The following RGS6 variants were observed in gnomAD, a reference collection of about 807,000 sequenced individuals.
RGS6 encodes regulator of G-protein signaling 6.
Under a neutral mutation model 78.5 loss-of-function variants are expected in RGS6, and 30 were observed. The observed-to-expected ratio is 0.38, with a 90% CI of 0.29 to 0.52. The LOEUF (loss-of-function observed/expected upper bound fraction) is 0.52. Among genes scored for constraint, RGS6 ranks in the 20% least tolerant of loss-of-function variants. The pLI is 0.85. For missense variants in RGS6, 495 were observed against 609.7 expected (o/e 0.81, Z 1.98); for synonymous variants, 206 against 206.0 (o/e 1.00, Z 0.00).
chr14:72,353,306 C>G (rs151184357), intron 3 of RGS6, among the ~76,000 whole-genome samples: 123 of 152,298 alleles, frequency 8.1e-4, no homozygotes, highest in Non-Finnish European at 1.5e-3. Flanking sequence ...TTCATCATCT[C>G]CAAAGACTGG....
At chr14:72,295,753 G>A (rs1399842764) in intron 2 of RGS6, among the ~76,000 whole-genome samples, 1 of 152,176 alleles carries the variant, frequency 6.6e-6, no homozygotes. Context: ...AGTGGGAAGA[G>A]AGTAAATAAA....
chr14:72,244,883 G>A (rs2053828508), intron 2 of RGS6, among the ~76,000 whole-genome samples: 2 of 151,398 alleles, frequency 1.3e-5, no homozygotes, highest in African/African-American at 4.9e-5. Context: ...GGAGTGCAAT[G>A]GCACGATCTC....
chr14:72,323,800 CAAAAAAAAAAAAAAAAAAAAAAAA>C (rs58303649), intron 2 of RGS6, among the ~76,000 whole-genome samples: 299 of 16,820 alleles, frequency 0.018, 4 homozygotes, highest in Middle Eastern at 0.083. Flanking sequence ...GACTCCATCT[CAAAAAAAAAAAAAAAAAAAAAAAA>C]AAAAAAAAAA....
downstream of RGS6, among the ~76,000 whole-genome samples, chr14:72,570,199 A>G (rs1400801829): frequency 1.3e-5 from 2 of 152,284 alleles, no homozygotes; most frequent in African/African-American, 2.4e-5. Flanking sequence ...CACAGCATTT[A>G]CATTGTATTA....
At chr14:72,319,052 C>T (rs1223016694) in intron 2 of RGS6, among the ~76,000 whole-genome samples, 2 of 152,084 alleles carry the variant, frequency 1.3e-5, no homozygotes, top group Non-Finnish European at 2.9e-5. Flanking sequence ...TTTCCACATT[C>T]AGAGGAAAGT....
downstream of RGS6, among the ~76,000 whole-genome samples, chr14:72,567,454 T>A (rs912394298): frequency 6.6e-6 from 1 of 152,214 alleles, no homozygotes; most frequent in Non-Finnish European, 1.5e-5. Context: ...GTGCATGCAC[T>A]CTACCCTGAC....
intron 3 of RGS6, among the ~76,000 whole-genome samples, chr14:72,353,210 A>T (rs1269128580): frequency 2.0e-5 from 3 of 152,238 alleles, no homozygotes; most frequent in African/African-American, 7.2e-5. Context: ...CCCAAGAGCA[A>T]TGAAAACTTG....
At position 72,510,289 on chromosome 14, in the gene RGS6, T is replaced by C; in HGVS notation, c.1091+10T>C. 1 of 1,614,126 alleles carries C rather than the reference T, an allele frequency of 6.2e-7. No homozygotes were observed. Among genetic ancestry groups the C allele is most frequent in the Non-Finnish European group, 8.5e-7 (1 of 1,180,022 alleles). On this transcript the variant is annotated intron_variant, in intron 14 of 17. Coordinates refer to ENST00000553525, the MANE Select transcript of RGS6 (RefSeq NM_001204424.2). ...GTTCAGAAAACCTCAGGTAAATCTC[T>C]CAAAGTTTGAGCTGTGTGCGGAATG...
At chr14:72,296,410 T>A (rs2152370866) in intron 2 of RGS6, among the ~76,000 whole-genome samples, 3 of 152,302 alleles carry the variant, frequency 2.0e-5, no homozygotes, top group Middle Eastern at 6.8e-3. Flanking sequence ...AGAAAAAAAC[T>A]ATCAGAGTTT....
chr14:72,078,195 A>G (rs993883606), intron 2 of RGS6, among the ~76,000 whole-genome samples: 2 of 152,194 alleles, frequency 1.3e-5, no homozygotes, highest in South Asian at 4.2e-4. Flanking sequence ...TGGTTGTTAA[A>G]AAGTGTGTGG....
chr14:71,941,707 C>T (rs987795111), intron 1 of RGS6, among the ~76,000 whole-genome samples: 5 of 152,162 alleles, frequency 3.3e-5, no homozygotes, highest in African/African-American at 7.2e-5. Context: ...GCTTTATATT[C>T]GCTGGAAGCT....
At chr14:72,616,413 T>C in the RGS6 span, among the ~76,000 whole-genome samples, 1 of 152,170 alleles carries the variant, frequency 6.6e-6, no homozygotes, top group African/African-American at 2.4e-5. Context: ...ATGCAAGTCA[T>C]GATTTCCTTG....
At chr14:72,087,795 T>G (rs2095109732) in intron 2 of RGS6, among the ~76,000 whole-genome samples, 1 of 152,118 alleles carries the variant, frequency 6.6e-6, no homozygotes. Context: ...GACCCACAAA[T>G]GGGCCAGTGA....
intron 2 of RGS6, among the ~76,000 whole-genome samples, chr14:72,349,896 T>G (rs2152728452): frequency 6.6e-6 from 1 of 152,338 alleles, no homozygotes; most frequent in Admixed American, 6.5e-5. Context: ...CTGGCCATTT[T>G]CATAGAAACC....
In RGS6 at chr14:71,987,345, T is replaced by C. The variant is rs573044867; in HGVS notation, c.84+22470T>C. Among the ~76,000 whole-genome samples, 41 of 151,910 alleles carry C rather than the reference T, an allele frequency of 2.7e-4. 1 individual carries two copies. The highest frequency in any genetic ancestry group is 1.6e-3 in the Admixed American group (24 of 15,252). ...GAGACTGGCAGTGAGGATGGGAGGG[T>C]GGCTTAAAGACCTTCACAACCTGCT... On this transcript the variant is annotated intron_variant, in intron 2 of 17. Coordinates refer to ENST00000553525, the MANE Select transcript of RGS6 (RefSeq NM_001204424.2).
intron 2 of RGS6, among the ~76,000 whole-genome samples, chr14:72,017,116 T>C (rs1235477271): frequency 6.6e-6 from 1 of 152,158 alleles, no homozygotes; most frequent in Non-Finnish European, 1.5e-5. Context: ...AACTGCAGCC[T>C]CAACCCTCCT....
At chr14:72,456,924 TA>T (rs914735518) in intron 4 of RGS6, among the ~76,000 whole-genome samples, 4 of 146,508 alleles carry the variant, frequency 2.7e-5, no homozygotes, top group Non-Finnish European at 6.0e-5. Flanking sequence ...CCAAAAAAAA[TA>T]AAAAAAAAAT....
intron 15 of RGS6, among the ~76,000 whole-genome samples, 189 bp downstream of exon 15, chr14:72,518,726 T>G (rs1273329811): frequency 6.6e-6 from 1 of 152,248 alleles, no homozygotes; most frequent in Non-Finnish European, 1.5e-5. Context: ...CTAGATGGGT[T>G]ATGTATTACA....
At chr14:72,179,024 C>T (rs536953944) in intron 2 of RGS6, among the ~76,000 whole-genome samples, 35 of 152,172 alleles carry the variant, frequency 2.3e-4, no homozygotes, top group Non-Finnish European at 4.1e-4. Context: ...TCTGACCTGG[C>T]GAAAACTAAG....
Sources: gnomAD v4.1 joint callset for allele counts (sites outside exome capture counted in the v4.1 genomes callset) on GRCh38, gnomAD v4.1.1 for gene constraint, MANE v1.5 for transcripts, NCBI Gene and HGNC (gene_info 2026-07-23, HGNC 2026-07-21) for gene names.